LMAN2: variants seen among roughly 807,000 people sequenced by gnomAD.
LMAN2 encodes the protein lectin, mannose binding 2.
LMAN2 carries 22 observed loss-of-function variants against 39.3 expected under a neutral mutation model. The observed-to-expected ratio is 0.56, with a 90% CI of 0.40 to 0.80. The LOEUF (loss-of-function observed/expected upper bound fraction) is 0.80. Ranked by LOEUF, LMAN2 falls within the 30% of genes least tolerant of loss-of-function variation. The pLI, the probability that LMAN2 is intolerant of heterozygous loss-of-function variation, is 0.00. For synonymous variants in LMAN2, 207 were observed against 207.8 expected, an observed-to-expected ratio of 1.00 and a Z score of 0.03; for missense variants, 494 against 505.4, an observed-to-expected ratio of 0.98 and a Z score of 0.22.
chr5:177,348,507 C>T (rs1761670232), intron 2 of LMAN2, among the ~76,000 whole-genome samples: 1 of 151,784 alleles, frequency 6.6e-6, no homozygotes, highest in African/African-American at 2.4e-5. Context: ...GCAAACATGG[C>T]AAAACCTCAT....
chr5:177,349,575 C>G (rs1293638335), intron 2 of LMAN2, among the ~76,000 whole-genome samples: 3 of 152,210 alleles, frequency 2.0e-5, no homozygotes, highest in Non-Finnish European at 2.9e-5. Flanking sequence ...GTGACATCCT[C>G]GAGCCACTGA....
rs377289965 is a variant in LMAN2 at position 177,337,395 on chromosome 5, G to C, written c.643C>G (p.Leu215Val). 48 of 1,612,500 alleles carry C rather than the reference G, an allele frequency of 3.0e-5. No individual in the cohort carries two copies. Among genetic ancestry groups the C allele is most frequent in the Non-Finnish European group, 4.0e-5 (47 of 1,180,008 alleles). The change falls in exon 5 of 8, where the codon CTG becomes GTG. Residue 215 changes from leucine to valine, a missense_variant. Leu to Val is a conservative substitution (Grantham distance 32). Transcript: ENST00000303127. This position sits in a 1 kb window ranked among gnomAD's most constrained non-coding sequence, Gnocchi z 8.2. ...DFRNRDHDTF[L>V]AVRYSRGRLT... is the part of the protein sequence containing the mutation. ...CGGCCCCGGGAGTAGCGCACAGCCAGGAAGGTGTCGTGATCGCGGTTGCGG... is the reference window on the plus strand; with the variant it reads ...CGGCCCCGGGAGTAGCGCACAGCCACGAAGGTGTCGTGATCGCGGTTGCGG...
intron 2 of LMAN2, among the ~76,000 whole-genome samples, chr5:177,344,045 T>C (rs1004594797): frequency 3.3e-5 from 5 of 150,426 alleles, no homozygotes; most frequent in Admixed American, 6.6e-5. Context: ...ACCCCAGCTC[T>C]ACAAAAAATT....
At position 177,351,622 on chromosome 5, in the gene LMAN2, C is replaced by A. The variant is rs1000474241; in HGVS notation, c.26G>T (p.Arg9Leu). 3.1e-6 allele frequency: 5 copies of A among 1,597,704 alleles called. No individual in the cohort carries two copies. Among genetic ancestry groups the A allele is most frequent in the Admixed American group, 1.8e-5 (1 of 55,090 alleles). MAAEGWIW[R>L]WGWGRRCLGR... ...CAGGCACCGCCGGCCCCAGCCCCAACGCCAAATCCAGCCTTCCGCCGCCAT... is the reference window on the plus strand; with the variant it reads ...CAGGCACCGCCGGCCCCAGCCCCAAAGCCAAATCCAGCCTTCCGCCGCCAT... Residue 9 changes from arginine to leucine, a missense_variant, in exon 1 of 8, where the codon CGT (arginine) becomes CTT (leucine). By Grantham distance (102) the Arg-to-Leu change is moderately radical. Transcript: ENST00000303127.
Position 177,351,633 on chromosome 5 carries a change from G to T in LMAN2, c.15C>A (p.Gly5=). Reference sequence around the variant, plus strand: ...GGCCCCAGCCCCAACGCCAAATCCAGCCTTCCGCCGCCATTCTCCTCTCCT... The same window carrying T: ...GGCCCCAGCCCCAACGCCAAATCCATCCTTCCGCCGCCATTCTCCTCTCCT... The part of the protein sequence containing the change: MAAE[G]WIWRWGWGRR... Residue 5 remains glycine, a synonymous_variant, in exon 1 of 8, where the codon GGC becomes GGA. Coordinates refer to ENST00000303127, the MANE Select transcript of LMAN2 (RefSeq NM_006816.3). 1.3e-6 allele frequency: 2 copies of T among 1,591,670 alleles called. No homozygotes were observed. The highest frequency in any genetic ancestry group is 1.7e-6 in the Non-Finnish European group (2 of 1,171,654).
chr5:177,340,883 T>C (rs1393514149), intron 2 of LMAN2, among the ~76,000 whole-genome samples: 4 of 147,458 alleles, frequency 2.7e-5, no homozygotes, highest in Admixed American at 6.7e-5. Context: ...GCCTCCCCAG[T>C]AGTTGGGACT....
chr5:177,336,966 A>C, intron 6 of LMAN2, 170 bp downstream of exon 6: 1 of 609,058 alleles, frequency 1.6e-6, no homozygotes, highest in Non-Finnish European at 2.9e-6. Flanking sequence ...TGAGCCCAGA[A>C]ACCACAGGAA....
chr5:177,338,782 G>A (rs370286007), intron 2 of LMAN2, among the ~76,000 whole-genome samples, 177 bp from the exon 3 acceptor site: 2 of 152,364 alleles, frequency 1.3e-5, no homozygotes, highest in African/African-American at 4.8e-5. Context: ...TGTTCTGGCC[G>A]TGAAGGGAAG....
In LMAN2 at chr5:177,351,361, G is replaced by T. The variant is rs931573714; in HGVS notation, c.197-70C>A. The T allele has an allele frequency of 5.0e-6, 8 of 1,607,172 alleles. No homozygotes were observed. In the African/African-American group the frequency reaches 1.1e-4, roughly 21 times the overall value. On this transcript the variant is annotated intron_variant, in intron 1 of 7. Coordinates refer to ENST00000303127, the MANE Select transcript of LMAN2 (RefSeq NM_006816.3). ...TCACCAGAGGCAGGAAACCCACAGA[G>T]ATGCTCTGCTCAGGAGAAAGGGCAC...
rs766421089 is a variant in LMAN2 at position 177,332,130 on chromosome 5, C to T, written c.1027G>A (p.Val343Met). 12 of 1,613,594 alleles carry T rather than the reference C, an allele frequency of 7.4e-6. No individual in the cohort carries two copies. Among genetic ancestry groups the T allele is most frequent in the South Asian group, 2.2e-5 (2 of 91,074 alleles). The change falls in exon 8 of 8, where the codon GTG becomes ATG. Residue 343 changes from valine to methionine, a missense_variant. Coordinates refer to ENST00000303127, the MANE Select transcript of LMAN2 (RefSeq NM_006816.3). This position sits in a 1 kb window ranked among gnomAD's most constrained non-coding sequence, Gnocchi z 6.3. ...CGCTCCTGCCGCTTCTGGAACACCA[C>T]GGCCCCCACCACGGCGCAGACAACG... ...GIVVCAVVGA[V>M]VFQKRQERNK...
At chr5:177,344,718 C>G (rs1761609074) in intron 2 of LMAN2, among the ~76,000 whole-genome samples, 1 of 151,012 alleles carries the variant, frequency 6.6e-6, no homozygotes, top group South Asian at 2.1e-4. Flanking sequence ...CCAAGCCTGG[C>G]CAACATGGTG....
rs753457199 is a variant in LMAN2, at chr5:177,337,455, G to A, written c.583C>T (p.Arg195Cys). 5.6e-6 allele frequency: 9 copies of A among 1,613,810 alleles called. No homozygotes were observed. The highest frequency in any genetic ancestry group is 2.2e-5 in the East Asian group (1 of 44,896). The part of the protein sequence containing the change: ...SLSYDHSKDG[R>C]WTELAGCTAD... ...GTGCAGCCCGCCAGCTCGGTCCAGC[G>A]CCCATCCTTGCTGTGGTCGTAGGAC... is the stretch of plus-strand genomic sequence containing the variant. Residue 195 changes from arginine to cysteine, a missense_variant, in exon 5 of 8, where the codon CGC (arginine) becomes TGC (cysteine). By Grantham distance (180) the Arg-to-Cys change is radical. Transcript: ENST00000303127. The surrounding 1 kb of genome is among the most constrained non-coding windows in gnomAD (Gnocchi z 8.2).
intron 2 of LMAN2, among the ~76,000 whole-genome samples, chr5:177,345,332 C>A (rs1284456644): frequency 7.9e-6 from 1 of 127,194 alleles, no homozygotes; most frequent in Non-Finnish European, 1.6e-5. Flanking sequence ...CAGATTAAGA[C>A]CCTGTCTAAA....
At chr5:177,347,076 T>C (rs1761647787) in intron 2 of LMAN2, among the ~76,000 whole-genome samples, 1 of 152,114 alleles carries the variant, frequency 6.6e-6, no homozygotes, top group East Asian at 1.9e-4. Context: ...TAATAAACAA[T>C]TTTAAAAGAT....
rs747905949 is a variant in LMAN2, at chr5:177,332,226, C to T, written c.931G>A (p.Gly311Arg). 6 of 1,612,706 alleles carry T rather than the reference C, an allele frequency of 3.7e-6. No homozygotes were observed. The highest frequency in any genetic ancestry group is 5.1e-6 in the Non-Finnish European group (6 of 1,179,764). The part of the protein sequence containing the change: ...SPKDNVDDPT[G>R]NFRSGPLTGW... ...GTCAGGGGCCCGCTGCGGAAGTTCC[C>T]CGTGGGGTCGTCCACGTTGTCTGGG... is the stretch of plus-strand genomic sequence containing the variant. Residue 311 changes from glycine (G) to arginine (R), a missense_variant, in exon 8 of 8, where the codon GGG becomes AGG. By Grantham distance (125) the Gly-to-Arg change is moderately radical. Transcript: ENST00000303127. This position sits in a 1 kb window ranked among gnomAD's most constrained non-coding sequence, Gnocchi z 6.3.
chr5:177,341,724 A>G (rs1252956258), intron 2 of LMAN2, among the ~76,000 whole-genome samples: 3 of 152,252 alleles, frequency 2.0e-5, no homozygotes, highest in Non-Finnish European at 2.9e-5. Flanking sequence ...TACAGTGACT[A>G]TAAGGGTGAA....
At position 177,351,482 on chromosome 5, in the gene LMAN2, G is replaced by A. The variant is rs1761722818; in HGVS notation, c.166C>T (p.Arg56Trp). The A allele has an allele frequency of 6.2e-7, 1 of 1,613,822 alleles. No individual in the cohort carries two copies. The highest frequency in any genetic ancestry group is 8.5e-7 in the Non-Finnish European group (1 of 1,179,850). Residue 56 changes from arginine to tryptophan, a missense_variant, in exon 1 of 8, where the codon CGG (arginine) becomes TGG (tryptophan). By Grantham distance (101) the Arg-to-Trp change is moderately radical. Transcript: ENST00000303127. ...TAGGGCTTAATGAGCGAATGCTCCC[G>A]CTTGAGATGTTCACTGTTGCCGTCA... ...ITDGNSEHLKREHSLIKPYQG... is the reference protein window; with the variant it reads ...ITDGNSEHLKWEHSLIKPYQG...
chr5:177,337,057 G>A lies in LMAN2; in HGVS notation c.790+79C>T, dbSNP rs146562034. The A allele has an allele frequency of 1.4e-4, 147 of 1,043,440 alleles. No individual in the cohort carries two copies. The African/African-American group carries it at 2.2e-3, about 16-fold the overall frequency. 64.6% of individuals were successfully genotyped at this position (1,043,440 alleles called of 1,614,324 possible). A position where few individuals can be genotyped will look rare whatever the true frequency, so the allele number is the denominator to read the frequency against. ...TGAGCTCAGAAACCACATGAAGGCA[G>A]GCAATCAACTGCATGGAAAGCTCCC... On this transcript the variant is annotated intron_variant, in intron 6 of 7. Coordinates refer to ENST00000303127, the MANE Select transcript of LMAN2 (RefSeq NM_006816.3). This position sits in a 1 kb window ranked among gnomAD's most constrained non-coding sequence, Gnocchi z 8.2.
intron 1 of LMAN2, 32 bp from the exon 2 acceptor site, chr5:177,351,323 G>A (rs1361947567): frequency 1.2e-6 from 2 of 1,608,140 alleles, no homozygotes; most frequent in Non-Finnish European, 1.7e-6. Context: ...AAGAGGCCAC[G>A]CCAGGACTGG....
Sources: allele counts gnomAD v4.1 joint callset (sites outside exome capture counted in the v4.1 genomes callset), GRCh38; gene constraint gnomAD v4.1.1; non-coding constraint Gnocchi (gnomAD v3.1); transcripts MANE v1.5; gene names NCBI Gene and HGNC (gene_info 2026-07-23, HGNC 2026-07-21).